The following DACH1 variants were observed in gnomAD, a reference collection of about 807,000 sequenced individuals.
The protein encoded by DACH1 is dachshund homolog 1.
In DACH1, 12 loss-of-function variants were observed where a neutral mutation model predicts 54.2. That is an observed-to-expected ratio of 0.22 (90% CI 0.14 to 0.36). The LOEUF is 0.36. Ranked by LOEUF, DACH1 falls within the 10% of genes least tolerant of loss-of-function variation. The pLI, the probability that DACH1 is intolerant of heterozygous loss-of-function variation, is 1.00. For missense variants in DACH1, 805 were observed against 929.8 expected (o/e 0.87, Z 1.75); for synonymous variants, 386 against 366.2 (o/e 1.05, Z -0.62).
intron 1 of DACH1, among the ~76,000 whole-genome samples, chr13:71,733,157 G>A (rs1193193429): frequency 6.6e-6 from 1 of 152,028 alleles, no homozygotes; most frequent in Non-Finnish European, 1.5e-5. Flanking sequence ...TACTATTTGG[G>A]GGTTTTTTGG....
rs71126514 is a variant in DACH1, at chr13:71,861,907, CAAAAAAA to C, written c.848+4008_848+4014del. Among the ~76,000 whole-genome samples the C allele has an allele frequency of 1.4e-3, 125 of 86,482 alleles. 1 individual carries two copies. The highest frequency in any genetic ancestry group is 4.3e-3 in the African/African-American group (99 of 22,818). The allele number at this position is 86,482 out of a possible 152,430, so 56.7% of individuals were successfully genotyped here. Reference sequence around the variant, plus strand: ...TGCCATCTTTATTAAAACTCCTAACCAAAAAAAAAAAAAAAAAAAAATAGAGTCAAGA... The same window carrying C: ...TGCCATCTTTATTAAAACTCCTAACCAAAAAAAAAAAAAATAGAGTCAAGA... On this transcript the variant is annotated intron_variant, in intron 1 of 10. Transcript: ENST00000613252.
At chr13:71,505,640 T>C (rs1158085290) in intron 6 of DACH1, among the ~76,000 whole-genome samples, 1 of 152,208 alleles carries the variant, frequency 6.6e-6, no homozygotes, top group Non-Finnish European at 1.5e-5. Context: ...TCTGTTTCAA[T>C]TATTAATTTA....
At chr13:71,754,793 G>T (rs1251487455) in intron 1 of DACH1, among the ~76,000 whole-genome samples, 1 of 150,182 alleles carries the variant, frequency 6.7e-6, no homozygotes, top group East Asian at 1.9e-4. Context: ...CGTAAAAAAC[G>T]CCACTATCTG....
At chr13:71,807,496 A>G (rs1887553727) in intron 1 of DACH1, among the ~76,000 whole-genome samples, 1 of 151,408 alleles carries the variant, frequency 6.6e-6, no homozygotes, top group Non-Finnish European at 1.5e-5. Flanking sequence ...GGGCAACTTC[A>G]TAAATCTTTC....
Position 71,493,940 on chromosome 13 carries a change from T to C in DACH1, c.1571-4792A>G, listed in dbSNP as rs544587517. 2.0e-5 allele frequency among the ~76,000 whole-genome samples: 3 copies of C among 152,288 alleles called. No individual in the cohort carries two copies. The East Asian group carries it at 5.8e-4, about 29-fold the overall frequency. On this transcript the variant is annotated intron_variant, in intron 6 of 10. Coordinates refer to ENST00000613252, the MANE Select transcript of DACH1 (RefSeq NM_080759.6). ...GAACAAGTTATTAATTACTTAGGTT[T>C]ACAAGCTCCACTTTATAAGATTCTT...
At chr13:71,801,224 A>G (rs754094437) in intron 1 of DACH1, among the ~76,000 whole-genome samples, 2 of 152,114 alleles carry the variant, frequency 1.3e-5, no homozygotes, top group Non-Finnish European at 2.9e-5. Context: ...ATCTTCACAT[A>G]AATAGGGTGC....
chr13:71,556,137 T>A (rs527415729), intron 6 of DACH1, among the ~76,000 whole-genome samples: 79 of 152,294 alleles, frequency 5.2e-4, no homozygotes, highest in African/African-American at 1.8e-3. Flanking sequence ...CACGCATTTA[T>A]TCCTGTTCAA....
intron 3 of DACH1, among the ~76,000 whole-genome samples, chr13:71,610,766 A>G (rs1875270688): frequency 6.6e-6 from 1 of 152,156 alleles, no homozygotes; most frequent in Admixed American, 6.5e-5. Context: ...ACAAGAAGAA[A>G]AAGGATCTTA....
intron 6 of DACH1, among the ~76,000 whole-genome samples, chr13:71,502,828 T>C (rs957759155): frequency 6.6e-6 from 1 of 152,234 alleles, no homozygotes; most frequent in African/African-American, 2.4e-5. Flanking sequence ...CCTGACTGCG[T>C]CAATGTGTTC....
chr13:71,750,689 T>C (rs906536207), intron 1 of DACH1, among the ~76,000 whole-genome samples: 1 of 152,190 alleles, frequency 6.6e-6, no homozygotes, highest in African/African-American at 2.4e-5. Context: ...AAAATAGAAA[T>C]TGACTTTAAA....
At chr13:71,824,474 G>C (rs1257492212) in intron 1 of DACH1, among the ~76,000 whole-genome samples, 1 of 151,962 alleles carries the variant, frequency 6.6e-6, no homozygotes, top group African/African-American at 2.4e-5. Flanking sequence ...ATTCTTGCCA[G>C]AGTAATATGC....
rs78101188 is a variant in DACH1 at position 71,833,876 on chromosome 13, G to A, written c.848+32046C>T. Among the ~76,000 whole-genome samples the A allele has an allele frequency of 9.0e-3, 1,372 of 152,114 alleles. 24 individuals are homozygous for A. Among genetic ancestry groups the A allele is most frequent in the Non-Finnish European group, 0.011 (759 of 67,950 alleles). On this transcript the variant is annotated intron_variant, in intron 1 of 10. Transcript: ENST00000613252. ...ATTAACTAGCATAAATAAGTAAAAC[G>A]TAGATTAATTCTCTGAAATAGCACA...
intron 1 of DACH1, among the ~76,000 whole-genome samples, chr13:71,809,891 C>T (rs1439035115): frequency 6.6e-6 from 1 of 151,988 alleles, no homozygotes; most frequent in African/African-American, 2.4e-5. Context: ...GTGTTAATTC[C>T]CGAAAGTTCA....
chr13:71,786,950 C>T (rs1886617526), intron 1 of DACH1, among the ~76,000 whole-genome samples: 1 of 152,116 alleles, frequency 6.6e-6, no homozygotes, highest in Non-Finnish European at 1.5e-5. Context: ...AAAACTTCAG[C>T]ATCAGCAGGG....
rs1873879827 is a variant in DACH1 at position 71,440,095 on chromosome 13, T to C, written c.*560A>G. On this transcript the variant is annotated 3_prime_UTR_variant, in exon 11 of 11. Coordinates refer to ENST00000613252, the MANE Select transcript of DACH1 (RefSeq NM_080759.6). ...TTGGAAAGTATGTGAAAAAAAATTC[T>C]TCAGGAGAAAACCCACAATTAGAGA... The C allele has an allele frequency of 2.0e-5, 3 of 152,134 alleles. No individual in the cohort carries two copies. The highest frequency in any genetic ancestry group is 4.4e-5 in the Non-Finnish European group (3 of 67,906). 9.4% of individuals were successfully genotyped at this position (152,134 alleles called of 1,614,324 possible). A position where few individuals can be genotyped will look rare whatever the true frequency, so the allele number is the denominator to read the frequency against.
intron 10 of DACH1, among the ~76,000 whole-genome samples, chr13:71,458,311 A>T (rs980235089): frequency 6.6e-6 from 1 of 151,900 alleles, no homozygotes; most frequent in Non-Finnish European, 1.5e-5. Flanking sequence ...AAATTTTGCA[A>T]AATATGTTAA....
chr13:71,781,629 C>G lies in DACH1; in HGVS notation c.848+84293G>C, dbSNP rs1340216913. Among the ~76,000 whole-genome samples, 6 of 152,146 alleles carry G rather than the reference C, an allele frequency of 3.9e-5. No homozygotes were observed. The East Asian group carries it at 1.2e-3, about 30-fold the overall frequency. ...TCCTGACCTCGTGATCCGCCCGCCT[C>G]GGCCTCCCAAAGTGCTGGGATTACA... On this transcript the variant is annotated intron_variant, in intron 1 of 10. Transcript: ENST00000613252.
chr13:71,631,780 G>C lies in DACH1; in HGVS notation c.965-1063C>G, dbSNP rs377496826. 2.6e-5 allele frequency among the ~76,000 whole-genome samples: 4 copies of C among 152,058 alleles called. No homozygotes were observed. The East Asian group carries it at 5.8e-4, about 22-fold the overall frequency. ...TCATCTTCATCCATCCAGAGAACAG[G>C]GGGTAGAGGCAGACATTAAATTAGA... On this transcript the variant is annotated intron_variant, in intron 2 of 10. Coordinates refer to ENST00000613252, the MANE Select transcript of DACH1 (RefSeq NM_080759.6).
chr13:71,496,304 T>TAC (rs1464554979), intron 6 of DACH1, among the ~76,000 whole-genome samples: 31 of 105,704 alleles, frequency 2.9e-4, no homozygotes, highest in South Asian at 1.6e-3. Context: ...TATATATATA[T>TAC]ATACACACAC....
Sources: gnomAD v4.1 joint callset for allele counts (sites outside exome capture counted in the v4.1 genomes callset) on GRCh38, gnomAD v4.1.1 for gene constraint, MANE v1.5 for transcripts, NCBI Gene and HGNC (gene_info 2026-07-23, HGNC 2026-07-21) for gene names.